The following SKIC3 variants were observed in gnomAD, a reference collection of about 807,000 sequenced individuals.
The protein encoded by SKIC3 is superkiller complex protein 3.
At chr5:95,550,984 T>C in the SKIC3 span, among the ~76,000 whole-genome samples, 1 of 152,134 alleles carries the variant, frequency 6.6e-6, no homozygotes, top group African/African-American at 2.4e-5. Flanking sequence ...GAATATCTAC[T>C]ATTTCTGTGC....
At chr5:95,529,988 C>T in the SKIC3 span, 3 of 1,451,278 alleles carry the variant, frequency 2.1e-6, no homozygotes, top group South Asian at 3.6e-5. Flanking sequence ...TTTTCCCTTC[C>T]ACCTTAGATA....
At chr5:95,517,712 AG>A in the SKIC3 span, among the ~76,000 whole-genome samples, 1 of 152,288 alleles carries the variant, frequency 6.6e-6, no homozygotes, top group Non-Finnish European at 1.5e-5. Flanking sequence ...TACAACTGAC[AG>A]TTGTAAACTC....
At chr5:95,528,188 A>G in the SKIC3 span, 1 of 1,613,022 alleles carries the variant, frequency 6.2e-7, no homozygotes, top group East Asian at 2.2e-5. Flanking sequence ...GAAGACAGCC[A>G]TATCACTTCT....
chr5:95,550,263 G>C, the SKIC3 span, among the ~76,000 whole-genome samples: 2 of 151,716 alleles, frequency 1.3e-5, no homozygotes, highest in Admixed American at 6.6e-5. Context: ...AACATATATA[G>C]GTATGATATA....
At chr5:95,489,240 G>A in the SKIC3 span, among the ~76,000 whole-genome samples, 1 of 151,728 alleles carries the variant, frequency 6.6e-6, no homozygotes, top group African/African-American at 2.4e-5. Context: ...GGAGTTTGAG[G>A]TCAGTCTGGG....
At chr5:95,474,809 T>C in the SKIC3 span, among the ~76,000 whole-genome samples, 2 of 152,222 alleles carry the variant, frequency 1.3e-5, no homozygotes, top group East Asian at 1.9e-4. Context: ...TTTTAAAACA[T>C]TCGCTTTTCA....
At chr5:95,526,675 T>C in the SKIC3 span, among the ~76,000 whole-genome samples, 3 of 152,060 alleles carry the variant, frequency 2.0e-5, no homozygotes, top group African/African-American at 4.8e-5. Context: ...AGTTTCACCA[T>C]ATTGGCTGGT....
At chr5:95,503,003 G>A in the SKIC3 span, 1 of 1,613,916 alleles carries the variant, frequency 6.2e-7, no homozygotes, top group South Asian at 1.1e-5. Flanking sequence ...TCTCTCATAG[G>A]CTGTTACATA....
At chr5:95,552,629 C>T in the SKIC3 span, among the ~76,000 whole-genome samples, 20 of 152,102 alleles carry the variant, frequency 1.3e-4, no homozygotes, top group African/African-American at 3.9e-4. Flanking sequence ...GTGACCCACA[C>T]TTTCCAAAGA....
At chr5:95,484,029 A>T in the SKIC3 span, among the ~76,000 whole-genome samples, 7 of 152,164 alleles carry the variant, frequency 4.6e-5, no homozygotes, top group South Asian at 2.1e-4. Flanking sequence ...CAAATAAAAA[A>T]TTTTTTAAAG....
At chr5:95,534,938 T>C in the SKIC3 span, among the ~76,000 whole-genome samples, 1 of 152,308 alleles carries the variant, frequency 6.6e-6, no homozygotes, top group East Asian at 1.9e-4. Flanking sequence ...ATAACCTACA[T>C]TTCATACAAA....
the SKIC3 span, among the ~76,000 whole-genome samples, chr5:95,485,982 C>G: frequency 6.6e-6 from 1 of 152,072 alleles, no homozygotes; most frequent in African/African-American, 2.4e-5. Context: ...GAAAGAGACC[C>G]CTAACAGTTT....
the SKIC3 span, chr5:95,484,602 C>T: frequency 2.2e-6 from 3 of 1,380,868 alleles, no homozygotes; most frequent in Non-Finnish European, 3.1e-6. Flanking sequence ...CCATCTCAGT[C>T]TCCCAAAGTG....
the SKIC3 span, among the ~76,000 whole-genome samples, chr5:95,474,509 C>T: frequency 2.0e-5 from 3 of 152,160 alleles, no homozygotes; most frequent in Non-Finnish European, 4.4e-5. Context: ...GATGGGATTC[C>T]TCTGTATGTA....
At chr5:95,525,379 G>C in the SKIC3 span, 1 of 1,604,030 alleles carries the variant, frequency 6.2e-7, no homozygotes, top group Non-Finnish European at 8.5e-7. Context: ...GGTTCTATGA[G>C]CAATTTATAT....
chr5:95,480,531 A>G, the SKIC3 span, among the ~76,000 whole-genome samples: 1,713 of 152,324 alleles, frequency 0.011, 31 homozygotes, highest in African/African-American at 0.038. Context: ...TCACCAAAAT[A>G]GGGGAAAAAC....
At chr5:95,464,777 T>C in the SKIC3 span, 12 of 937,810 alleles carry the variant, frequency 1.3e-5, no homozygotes, top group Middle Eastern at 4.2e-4. Flanking sequence ...GGCGGCAGTC[T>C]TGAAAAGGCA....
chr5:95,527,105 G>A, the SKIC3 span, among the ~76,000 whole-genome samples: 1 of 152,136 alleles, frequency 6.6e-6, no homozygotes, highest in East Asian at 1.9e-4. Context: ...TTTTTAGCCA[G>A]TAAGAATCTC....
the SKIC3 span, among the ~76,000 whole-genome samples, chr5:95,554,568 G>GA: frequency 6.6e-6 from 1 of 152,204 alleles, no homozygotes; most frequent in African/African-American, 2.4e-5. Flanking sequence ...CCTACAGCCT[G>GA]AAACTTCTTA....
Sources: gnomAD v4.1 joint callset for allele counts (sites outside exome capture counted in the v4.1 genomes callset) on GRCh38, gnomAD v4.1.1 for gene constraint, MANE v1.5 for transcripts, NCBI Gene and HGNC (gene_info 2026-07-23, HGNC 2026-07-21) for gene names.